Variants in PTK2B observed in about 807,000 individuals in gnomAD.
PTK2B encodes protein-tyrosine kinase 2-beta.
A neutral mutation model predicts 142.9 loss-of-function variants in PTK2B; 71 were observed. The ratio of observed to expected loss-of-function variants is 0.50; its 90% CI spans 0.41 to 0.61. The LOEUF (loss-of-function observed/expected upper bound fraction) is 0.61, where lower values mean the gene tolerates loss of function less well. Among genes scored for constraint, PTK2B ranks in the 20% least tolerant of loss-of-function variants. The probability of loss-of-function intolerance (pLI) is 0.00; values close to 1 mark genes in which losing one functional copy is unlikely to be tolerated. For synonymous variants in PTK2B, 519 were observed against 503.4 expected (o/e 1.03, Z -0.42); for missense variants, 1,105 against 1,320.4 (o/e 0.84, Z 2.53).
intron 21 of PTK2B, among the ~76,000 whole-genome samples, chr8:27,441,785 G>C (rs1481877555): frequency 6.6e-6 from 1 of 152,212 alleles, no homozygotes; most frequent in Admixed American, 6.5e-5. Context: ...ATGTAATTTG[G>C]GAGGTTAAAA....
intron 1 of PTK2B, among the ~76,000 whole-genome samples, chr8:27,369,940 G>A (rs1806246066): frequency 6.6e-6 from 1 of 152,156 alleles, no homozygotes. Flanking sequence ...TCACACCACT[G>A]CACTCCAGCC....
upstream of PTK2B, among the ~76,000 whole-genome samples, chr8:27,324,329 G>A (rs565186937): frequency 9.3e-4 from 142 of 152,356 alleles, no homozygotes; most frequent in African/African-American, 2.7e-3. Flanking sequence ...AAATGGGAAG[G>A]GGTGGGGGGG....
intron 3 of PTK2B, among the ~76,000 whole-genome samples, chr8:27,317,530 A>G (rs370118784): frequency 6.6e-6 from 1 of 152,154 alleles, no homozygotes; most frequent in Non-Finnish European, 1.5e-5. Flanking sequence ...GCGTATTTCC[A>G]AGTATCTTAT....
chr8:27,346,390 A>G (rs1804713168), intron 1 of PTK2B, among the ~76,000 whole-genome samples: 1 of 152,020 alleles, frequency 6.6e-6, no homozygotes, highest in African/African-American at 2.4e-5. Flanking sequence ...AATACAAAAT[A>G]CGAAAATTAG....
At position 27,445,106 on chromosome 8, in the gene PTK2B, ACACC is replaced by A. The variant is rs1179284794; in HGVS notation, c.2215-687_2215-684del. On this transcript the variant is annotated intron_variant, in intron 23 of 30. Transcript: ENST00000346049. ...AACAGGGAGTTAGGTAGGGTGGAAC[ACACC>A]TGTAGTCCCAGCTACTAAGGAGGGT... 2.0e-5 allele frequency among the ~76,000 whole-genome samples: 3 copies of A among 152,338 alleles called. No homozygotes were observed. The East Asian group carries it at 5.8e-4, about 29-fold the overall frequency.
At position 27,402,458 on chromosome 8, in the gene PTK2B, G is replaced by A. The variant is rs138196244; in HGVS notation, c.204+4670G>A. Among the ~76,000 whole-genome samples, 1,263 of 152,284 alleles carry A rather than the reference G, an allele frequency of 8.3e-3. 24 individuals are homozygous for A. The highest frequency in any genetic ancestry group is 0.029 in the African/African-American group (1,208 of 41,556). Reference sequence around the variant, plus strand: ...TCTGGAGGAGGGAGCCAGGTTGGTCGTAGACACTTGAGTGAGGTCAGTCCA... The same window carrying A: ...TCTGGAGGAGGGAGCCAGGTTGGTCATAGACACTTGAGTGAGGTCAGTCCA... On this transcript the variant is annotated intron_variant, in intron 2 of 30. Transcript: ENST00000346049.
At chr8:27,374,348 G>T (rs1168287541) in intron 1 of PTK2B, among the ~76,000 whole-genome samples, 2 of 152,242 alleles carry the variant, frequency 1.3e-5, no homozygotes, top group African/African-American at 4.8e-5. Flanking sequence ...TGCAGATGCA[G>T]AGATGACTGT....
intron 1 of PTK2B, among the ~76,000 whole-genome samples, chr8:27,379,980 A>T (rs1463895345): frequency 1.3e-5 from 2 of 151,966 alleles, no homozygotes; most frequent in Admixed American, 6.5e-5. Context: ...GAGTTCAGGC[A>T]ATCTGCCCGC....
intron 1 of PTK2B, among the ~76,000 whole-genome samples, chr8:27,343,781 C>T (rs1363503038): frequency 3.3e-5 from 5 of 152,236 alleles, no homozygotes; most frequent in East Asian, 3.9e-4. Flanking sequence ...AGGTGGATCA[C>T]GAGGTCCACT....
intron 1 of PTK2B, among the ~76,000 whole-genome samples, chr8:27,385,369 T>TG (rs541144716): frequency 1.1e-3 from 166 of 152,334 alleles, no homozygotes; most frequent in African/African-American, 3.6e-3. Flanking sequence ...CCAGACACTC[T>TG]GGGCTCTTGG....
chr8:27,444,123 T>C (rs1811323206), intron 22 of PTK2B, 83 bp from the exon 23 acceptor site: 2 of 1,413,518 alleles, frequency 1.4e-6, no homozygotes, highest in East Asian at 2.3e-5. Flanking sequence ...GCCTGAGGTG[T>C]CTTTGACCTG....
rs1805044008 is a variant in PTK2B at position 27,350,993 on chromosome 8, ATATATAT to A, written c.-38+25313_-38+25319del. Among the ~76,000 whole-genome samples the A allele has an allele frequency of 3.1e-3, 36 of 11,458 alleles. 9 individuals carry two copies. The highest frequency in any genetic ancestry group is 0.014 in the East Asian group (6 of 420). The allele number at this position is 11,458 out of a possible 152,430, so 7.5% of individuals were successfully genotyped here. The stretch of plus-strand genomic sequence containing the variant: ...TCCGTCTCAAAAAAAAAAAAAAAAT[ATATATAT>A]ATATATATATATATATATATATATA... On this transcript the variant is annotated intron_variant, in intron 1 of 30. Transcript: ENST00000346049.
intron 1 of PTK2B, among the ~76,000 whole-genome samples, chr8:27,372,877 A>G (rs932832717): frequency 4.6e-5 from 7 of 152,220 alleles, no homozygotes; most frequent in Non-Finnish European, 1.0e-4. Context: ...AATCTGCACT[A>G]GCATTTAAAG....
intron 1 of PTK2B, among the ~76,000 whole-genome samples, chr8:27,329,501 C>G (rs1242770178): frequency 2.6e-5 from 4 of 152,234 alleles, no homozygotes; most frequent in South Asian, 2.1e-4. Context: ...GTCACTCAGT[C>G]TCTAGTTTCC....
intron 1 of PTK2B, among the ~76,000 whole-genome samples, chr8:27,353,022 G>T (rs903286606): frequency 1.2e-4 from 18 of 152,182 alleles, no homozygotes; most frequent in Admixed American, 3.9e-4. Context: ...GAGTATGGGG[G>T]TCTCCTTCAC....
At position 27,457,971 on chromosome 8, in the gene PTK2B, G is replaced by T. The variant is rs566562599; in HGVS notation, c.2815-323G>T. Among the ~76,000 whole-genome samples the T allele has an allele frequency of 1.2e-4, 8 of 66,632 alleles. No individual in the cohort carries two copies. In the East Asian group the frequency reaches 2.4e-3, roughly 20 times the overall value. The allele number at this position is 66,632 out of a possible 152,430, so 43.7% of individuals were successfully genotyped here. A position where few individuals can be genotyped will look rare whatever the true frequency, so the allele number is the denominator to read the frequency against. ...TCCTGGGCAACAGGAACAAAACTCA[G>T]TCTCAAAAAAAAAAAAAAAAAAAAA... On this transcript the variant is annotated intron_variant, in intron 30 of 30. Coordinates refer to ENST00000346049, the MANE Select transcript of PTK2B (RefSeq NM_173176.3).
chr8:27,328,912 A>T (rs1477613023), intron 1 of PTK2B, among the ~76,000 whole-genome samples: 1 of 151,242 alleles, frequency 6.6e-6, no homozygotes, highest in South Asian at 2.1e-4. Context: ...CTTAGAGAAG[A>T]TCTTCAAGGA....
chr8:27,371,787 G>A (rs909994463), intron 1 of PTK2B, among the ~76,000 whole-genome samples: 27 of 152,080 alleles, frequency 1.8e-4, no homozygotes, highest in African/African-American at 6.3e-4. Flanking sequence ...ACCTCAGGTG[G>A]TCTGCCTACC....
chr8:27,431,182 G>A lies in PTK2B; in HGVS notation c.810+166G>A, dbSNP rs1439347842. The A allele has an allele frequency of 3.3e-5, 49 of 1,466,408 alleles. 1 individual carries two copies. Among genetic ancestry groups the A allele is most frequent in the African/African-American group, 4.2e-5 (3 of 70,972 alleles). The allele number at this position is 1,466,408 out of a possible 1,614,324, so 90.8% of individuals were successfully genotyped here. On this transcript the variant is annotated intron_variant, in intron 8 of 30. Coordinates refer to ENST00000346049, the MANE Select transcript of PTK2B (RefSeq NM_173176.3). ...GGAAGTCAAAAGCATCCCCTTGCCT[G>A]AAGCAGGCACTGAAATGTTGGCCTC... is the stretch of plus-strand genomic sequence containing the variant.
Sources: gnomAD v4.1 joint callset for allele counts (sites outside exome capture counted in the v4.1 genomes callset) on GRCh38, gnomAD v4.1.1 for gene constraint, MANE v1.5 for transcripts, NCBI Gene and HGNC (gene_info 2026-07-23, HGNC 2026-07-21) for gene names.